The following GAB3 variants were observed in gnomAD, a reference collection of about 807,000 sequenced individuals.
The protein encoded by GAB3 is GRB2-associated-binding protein 3.
In GAB3, 12 loss-of-function variants were observed where a neutral mutation model predicts 40.4. The ratio of observed to expected loss-of-function variants is 0.30; its 90% confidence interval spans 0.19 to 0.48. The LOEUF is 0.48. Ranked by LOEUF, GAB3 falls within the 20% of genes least tolerant of loss-of-function variation. The probability of loss-of-function intolerance (pLI) is 0.99; values close to 1 mark genes in which losing one functional copy is unlikely to be tolerated. For synonymous variants in GAB3, 154 were observed against 176.7 expected, an observed-to-expected ratio of 0.87 and a Z score of 1.02; for missense variants, 381 against 461.9, an observed-to-expected ratio of 0.82 and a Z score of 1.61.
chrX:154,740,564 G>A (rs1032451124), intron 1 of GAB3, among the ~76,000 whole-genome samples: 34 of 110,925 alleles, frequency 3.1e-4, no homozygotes, highest in African/African-American at 1.1e-3. Context: ...GTCACAAGGC[G>A]CCCAAGTGAT....
At chrX:154,694,645 A>G (rs1054065532) in intron 8 of GAB3, among the ~76,000 whole-genome samples, 3 of 112,017 alleles carry the variant, frequency 2.7e-5, no homozygotes, top group South Asian at 3.7e-4. Flanking sequence ...CGCCCGCCTC[A>G]GCCTCCCAAA....
At chrX:154,744,150 G>C (rs990139113) in intron 1 of GAB3, among the ~76,000 whole-genome samples, 2 of 97,212 alleles carry the variant, frequency 2.1e-5, no homozygotes, top group African/African-American at 7.5e-5. Context: ...GGAGGCGGGG[G>C]TTGCAGTGAG....
chrX:154,699,456 C>T lies in GAB3; in HGVS notation c.1183G>A (p.Val395Met). The part of the protein sequence containing the change: ...TASASIEDSY[V>M]PMSPQAGASG... Reference sequence around the variant, plus strand: ...GCACCAGCCTGGGGGCTCATGGGCACATAGCTGTCTTCGATACTGGCTGAA... The same window carrying T: ...GCACCAGCCTGGGGGCTCATGGGCATATAGCTGTCTTCGATACTGGCTGAA... Residue 395 changes from valine to methionine, a missense_variant, in exon 6 of 10, where the codon GTG becomes ATG. Coordinates refer to ENST00000424127, the MANE Select transcript of GAB3 (RefSeq NM_001081573.3). 1 of 1,211,812 alleles carries T rather than the reference C, an allele frequency of 8.3e-7. No homozygotes were observed. The highest frequency in any genetic ancestry group is 1.1e-6 in the Non-Finnish European group (1 of 895,463).
intron 1 of GAB3, among the ~76,000 whole-genome samples, chrX:154,725,419 G>A (rs1181386794): frequency 1.8e-5 from 2 of 111,336 alleles, no homozygotes; most frequent in African/African-American, 6.5e-5. Flanking sequence ...ATAGACATTA[G>A]ATGGCAGTCA....
intron 1 of GAB3, among the ~76,000 whole-genome samples, chrX:154,750,548 T>C (rs1453408197): frequency 8.9e-6 from 1 of 112,070 alleles, no homozygotes; most frequent in Non-Finnish European, 1.9e-5. Context: ...TGGCTGTCAG[T>C]CTCCCTATCC....
intron 4 of GAB3, among the ~76,000 whole-genome samples, chrX:154,710,303 G>GGC (rs1557255416): frequency 9.0e-6 from 1 of 111,649 alleles, no homozygotes; most frequent in African/African-American, 3.3e-5. Flanking sequence ...ATTTATATAT[G>GGC]TGTGTCTAGA....
At chrX:154,683,166 A>G (rs1557247141) in intron 8 of GAB3, among the ~76,000 whole-genome samples, 1 of 111,370 alleles carries the variant, frequency 9.0e-6, no homozygotes, top group Non-Finnish European at 1.9e-5. Flanking sequence ...GTGTACATGG[A>G]TGGTGTTTGT....
At chrX:154,704,135 A>C (rs782669377) in intron 4 of GAB3, among the ~76,000 whole-genome samples, 6 of 111,712 alleles carry the variant, frequency 5.4e-5, no homozygotes, top group African/African-American at 2.0e-4. Flanking sequence ...AAGTGAAAGA[A>C]GCCAGGTACA....
At chrX:154,735,522 AG>A (rs1328614054) in intron 1 of GAB3, among the ~76,000 whole-genome samples, 14 of 112,392 alleles carry the variant, frequency 1.2e-4, no homozygotes, top group African/African-American at 4.5e-4. Context: ...CCAGCTGCTC[AG>A]GCCAAGACAC....
intron 1 of GAB3, among the ~76,000 whole-genome samples, chrX:154,730,323 G>A (rs781922593): frequency 1.9e-4 from 21 of 112,023 alleles, no homozygotes; most frequent in Non-Finnish European, 3.8e-4. Flanking sequence ...TTCCCCTACC[G>A]TGTTTTTCTT....
intron 1 of GAB3, among the ~76,000 whole-genome samples, chrX:154,728,757 G>T (rs1477432148): frequency 2.7e-5 from 3 of 112,312 alleles, no homozygotes; most frequent in Non-Finnish European, 5.6e-5. Context: ...TGAAGGCAAG[G>T]ACGTTGCCCA....
intron 5 of GAB3, 52 bp from the exon 6 acceptor site, chrX:154,699,565 C>T: frequency 9.5e-7 from 1 of 1,051,220 alleles, no homozygotes; most frequent in Middle Eastern, 3.3e-4. Flanking sequence ...ATGGAAACTG[C>T]TATCAGAGGG....
At chrX:154,684,554 T>G (rs1326048591) in intron 8 of GAB3, among the ~76,000 whole-genome samples, 6 of 112,138 alleles carry the variant, frequency 5.4e-5, no homozygotes, top group African/African-American at 1.9e-4. Flanking sequence ...TAATATTACT[T>G]ATTTGTATTC....
At chrX:154,682,224 A>T (rs2070383971) in intron 8 of GAB3, among the ~76,000 whole-genome samples, 1 of 111,790 alleles carries the variant, frequency 8.9e-6, no homozygotes, top group African/African-American at 3.2e-5. Flanking sequence ...ATCTTTTATT[A>T]ATTGTAATTA....
chrX:154,680,363 T>G, intron 8 of GAB3, 115 bp from the exon 9 acceptor site: 1 of 470,629 alleles, frequency 2.1e-6, no homozygotes, highest in Non-Finnish European at 3.7e-6. Flanking sequence ...AACAGAATAG[T>G]CTGATGAGAC....
intron 1 of GAB3, among the ~76,000 whole-genome samples, chrX:154,742,986 A>T (rs1316921864): frequency 5.0e-5 from 2 of 39,746 alleles, no homozygotes; most frequent in Non-Finnish European, 9.2e-5. Flanking sequence ...GTGTGTGTAC[A>T]TATATATATA....
intron 2 of GAB3, among the ~76,000 whole-genome samples, 186 bp downstream of exon 2, chrX:154,715,840 C>T (rs1446782871): frequency 8.9e-6 from 1 of 112,082 alleles, no homozygotes; most frequent in Non-Finnish European, 1.9e-5. Flanking sequence ...CTCTGCCTTC[C>T]CACATTTGGA....
intron 1 of GAB3, among the ~76,000 whole-genome samples, chrX:154,728,945 GGTGATGAAAT>G (rs2071254038): frequency 8.9e-6 from 1 of 111,974 alleles, no homozygotes; most frequent in Non-Finnish European, 1.9e-5. Context: ...ACTCTACACA[GGTGATGAAAT>G]CACACAGAGC....
chrX:154,728,043 AC>A (rs2071238057), intron 1 of GAB3, among the ~76,000 whole-genome samples: 1 of 111,355 alleles, frequency 9.0e-6, no homozygotes, highest in Admixed American at 9.5e-5. Flanking sequence ...GTAAAGAGAC[AC>A]CTCTGATTTA....
Sources: allele counts gnomAD v4.1 joint callset (sites outside exome capture counted in the v4.1 genomes callset), GRCh38; gene constraint gnomAD v4.1.1; transcripts MANE v1.5; gene names NCBI Gene and HGNC (gene_info 2026-07-23, HGNC 2026-07-21).